Variants in WDR70 observed in about 807,000 individuals in gnomAD.
WDR70 encodes the protein WD repeat domain 70, also known as WD repeat-containing protein 70.
WDR70 carries 53 observed loss-of-function variants against 88.6 expected under a neutral mutation model. That is an observed-to-expected ratio of 0.60 (90% CI 0.48 to 0.75). The LOEUF is 0.75. Among genes scored for constraint, WDR70 ranks in the 30% least tolerant of loss-of-function variants. The pLI, the probability that WDR70 is intolerant of heterozygous loss-of-function variation, is 0.00. For missense variants in WDR70, 610 were observed against 823.2 expected (o/e 0.74, Z 3.17); for synonymous variants, 280 against 270.0 (o/e 1.04, Z -0.36).
At chr5:37,622,745 G>A (rs1470664725) in intron 10 of WDR70, among the ~76,000 whole-genome samples, 1 of 151,966 alleles carries the variant, frequency 6.6e-6, no homozygotes, top group East Asian at 1.9e-4. Context: ...CTGTTGTGGG[G>A]TGGGGGGAGC....
intron 8 of WDR70, among the ~76,000 whole-genome samples, chr5:37,501,953 G>T (rs1223750679): frequency 6.6e-6 from 1 of 151,832 alleles, no homozygotes. Context: ...ATGAATTTTA[G>T]GATTGATTCT....
chr5:37,470,302 A>G (rs538673803), intron 7 of WDR70, among the ~76,000 whole-genome samples: 1 of 152,314 alleles, frequency 6.6e-6, no homozygotes, highest in African/African-American at 2.4e-5. Context: ...TGGTGAATTA[A>G]GGGCCTTAAT....
At chr5:37,409,321 T>C (rs1749450491) in intron 5 of WDR70, among the ~76,000 whole-genome samples, 1 of 152,162 alleles carries the variant, frequency 6.6e-6, no homozygotes, top group Non-Finnish European at 1.5e-5. Context: ...TGTAATCTTT[T>C]TGGTTTATTT....
intron 9 of WDR70, among the ~76,000 whole-genome samples, chr5:37,524,067 T>G: frequency 6.6e-6 from 1 of 152,150 alleles, no homozygotes; most frequent in Non-Finnish European, 1.5e-5. Flanking sequence ...CAGGATATTA[T>G]CCAGGAGAAC....
chr5:37,737,212 A>G (rs1177313605), intron 17 of WDR70, among the ~76,000 whole-genome samples: 4 of 152,168 alleles, frequency 2.6e-5, no homozygotes, highest in Non-Finnish European at 4.4e-5. Context: ...TAATCCTCAC[A>G]GCAGCCCTGT....
intron 10 of WDR70, among the ~76,000 whole-genome samples, chr5:37,652,937 C>T (rs1745448299): frequency 6.6e-6 from 1 of 152,270 alleles, no homozygotes; most frequent in South Asian, 2.1e-4. Flanking sequence ...TTATTTATGT[C>T]TCTTGCCTGA....
At position 37,464,869 on chromosome 5, in the gene WDR70, T is replaced by C. The variant is rs1739109866; in HGVS notation, c.687-14965T>C. ...CTGCCAAGAGGAGCACACAAGACTC[T>C]TGGAAAGAAGAGGAAAATCTCCTCT... On this transcript the variant is annotated intron_variant, in intron 7 of 17. Transcript: ENST00000265107. Among the ~76,000 whole-genome samples the C allele has an allele frequency of 4.6e-5, 7 of 152,118 alleles. No individual in the cohort carries two copies. In the South Asian group the frequency reaches 1.2e-3, roughly 27 times the overall value.
intron 15 of WDR70, 58 bp downstream of exon 15, chr5:37,722,992 G>T: frequency 1.3e-6 from 2 of 1,591,882 alleles, no homozygotes; most frequent in South Asian, 1.1e-5. Flanking sequence ...ATGTGGTTTT[G>T]ATTGCATAGC....
At chr5:37,532,389 C>G (rs1331701002) in intron 9 of WDR70, among the ~76,000 whole-genome samples, 2 of 152,200 alleles carry the variant, frequency 1.3e-5, no homozygotes, top group Admixed American at 6.5e-5. Flanking sequence ...TCCTTAGGAA[C>G]ACCAATTATT....
chr5:37,415,036 C>T (rs1355457992), intron 5 of WDR70, among the ~76,000 whole-genome samples: 1 of 150,896 alleles, frequency 6.6e-6, no homozygotes, highest in African/African-American at 2.5e-5. Context: ...CATCTTGCAC[C>T]GCCCTTAATC....
chr5:37,605,188 G>A lies in WDR70; in HGVS notation c.1042G>A (p.Ala348Thr), dbSNP rs764204659. 2.5e-6 allele frequency: 4 copies of A among 1,612,532 alleles called. No homozygotes were observed. The highest frequency in any genetic ancestry group is 2.7e-5 in the African/African-American group (2 of 74,960). ...ATATAGTAGAGATGGAAACCTCATA[G>A]CAGCTGCCTGCCAGAATGGAAGCAT... Reference protein sequence around the residue: ...CTYSRDGNLIAAACQNGSIQI... With the variant: ...CTYSRDGNLITAACQNGSIQI... Residue 348 changes from alanine (A) to threonine (T), a missense_variant, in exon 10 of 18, where the codon GCA (alanine) becomes ACA (threonine). Transcript: ENST00000265107.
chr5:37,608,926 A>G (rs1420627736), intron 10 of WDR70, among the ~76,000 whole-genome samples: 1 of 151,940 alleles, frequency 6.6e-6, no homozygotes, highest in Admixed American at 6.6e-5. Context: ...TGTCTGTTCT[A>G]CTCCCTGCTG....
At chr5:37,528,551 C>T (rs542537448) in intron 9 of WDR70, among the ~76,000 whole-genome samples, 91 of 152,178 alleles carry the variant, frequency 6.0e-4, no homozygotes, top group Non-Finnish European at 1.1e-3. Flanking sequence ...ATGGGTGGAG[C>T]ACACCAACAT....
intron 10 of WDR70, among the ~76,000 whole-genome samples, chr5:37,679,521 C>T (rs917604847): frequency 5.9e-5 from 9 of 152,220 alleles, no homozygotes; most frequent in Non-Finnish European, 1.2e-4. Flanking sequence ...GCCTGGGTAT[C>T]AGCAGTGGTG....
chr5:37,435,506 A>T (rs1001659154), intron 5 of WDR70, among the ~76,000 whole-genome samples: 2 of 152,198 alleles, frequency 1.3e-5, no homozygotes, highest in Non-Finnish European at 2.9e-5. Flanking sequence ...TGAAAGAGGT[A>T]TGTGCAGCAC....
intron 3 of WDR70, among the ~76,000 whole-genome samples, chr5:37,382,572 C>T (rs1414374670): frequency 6.6e-6 from 1 of 151,888 alleles, no homozygotes; most frequent in Non-Finnish European, 1.5e-5. Context: ...CCACCACGCC[C>T]AGCTAATTTT....
At chr5:37,636,369 G>T (rs759912019) in intron 10 of WDR70, among the ~76,000 whole-genome samples, 6 of 152,178 alleles carry the variant, frequency 3.9e-5, no homozygotes, top group Non-Finnish European at 7.3e-5. Flanking sequence ...AAATCACCAT[G>T]AGGCAGATAC....
chr5:37,553,926 C>T (rs1742219183), intron 9 of WDR70, among the ~76,000 whole-genome samples: 6 of 152,116 alleles, frequency 3.9e-5, no homozygotes, highest in Admixed American at 3.9e-4. Flanking sequence ...AGTGTCATCA[C>T]ATGGTAGCAC....
At chr5:37,545,866 A>G (rs1052656704) in intron 9 of WDR70, among the ~76,000 whole-genome samples, 7 of 152,128 alleles carry the variant, frequency 4.6e-5, no homozygotes, top group Non-Finnish European at 1.0e-4. Flanking sequence ...AGTTACCAAC[A>G]CTTAAAAAGT....
Sources: allele counts gnomAD v4.1 joint callset (sites outside exome capture counted in the v4.1 genomes callset), GRCh38; gene constraint gnomAD v4.1.1; transcripts MANE v1.5; gene names NCBI Gene and HGNC (gene_info 2026-07-23, HGNC 2026-07-21).